The following RIMS2 variants were observed in gnomAD, a reference collection of about 807,000 sequenced individuals.
RIMS2 encodes regulating synaptic membrane exocytosis protein 2.
RIMS2 carries 59 observed loss-of-function variants against 174.4 expected under a neutral mutation model. That is an observed-to-expected ratio of 0.34 (90% CI 0.27 to 0.42). RIMS2 has a LOEUF of 0.42. Among genes scored for constraint, RIMS2 ranks in the 10% least tolerant of loss-of-function variants. The pLI is 1.00. For missense variants in RIMS2, 1,620 were observed against 1,666.3 expected (o/e 0.97, Z 0.48); for synonymous variants, 606 against 572.5 (o/e 1.06, Z -0.84).
intron 1 of RIMS2, among the ~76,000 whole-genome samples, chr8:103,659,752 A>C (rs1417534094): frequency 1.3e-5 from 2 of 152,076 alleles, no homozygotes; most frequent in African/African-American, 2.4e-5. Flanking sequence ...GCCAGAGCAC[A>C]CAGTGACCTA....
intron 1 of RIMS2, among the ~76,000 whole-genome samples, chr8:103,535,797 A>G (rs1197549790): frequency 1.3e-5 from 2 of 152,248 alleles, no homozygotes; most frequent in African/African-American, 2.4e-5. Flanking sequence ...GAAATCACAT[A>G]AGGAACAAAG....
At chr8:103,581,204 C>T (rs1005387602) in intron 1 of RIMS2, among the ~76,000 whole-genome samples, 1 of 152,106 alleles carries the variant, frequency 6.6e-6, no homozygotes, top group Non-Finnish European at 1.5e-5. Context: ...AATAAGAAGA[C>T]TGTAGAGCAT....
chr8:104,080,396 C>T (rs184454544), intron 19 of RIMS2, among the ~76,000 whole-genome samples: 1 of 151,912 alleles, frequency 6.6e-6, no homozygotes, highest in African/African-American at 2.4e-5. Flanking sequence ...TCTTTCAATT[C>T]TAATGTTTCA....
chr8:103,781,621 T>A (rs1243097313), intron 3 of RIMS2, among the ~76,000 whole-genome samples: 1 of 152,128 alleles, frequency 6.6e-6, no homozygotes, highest in Non-Finnish European at 1.5e-5. Flanking sequence ...TCAAACTTTT[T>A]GATTTGCATG....
intron 19 of RIMS2, among the ~76,000 whole-genome samples, chr8:104,136,831 A>G (rs935909101): frequency 6.6e-6 from 1 of 152,088 alleles, no homozygotes; most frequent in Non-Finnish European, 1.5e-5. Flanking sequence ...GAAAAACAGG[A>G]AAAATAACTA....
intron 19 of RIMS2, among the ~76,000 whole-genome samples, chr8:104,139,951 T>C (rs1163761611): frequency 1.3e-5 from 2 of 152,194 alleles, no homozygotes; most frequent in East Asian, 1.9e-4. Context: ...TACCCAGTTT[T>C]TTGAAGGTTT....
intron 1 of RIMS2, among the ~76,000 whole-genome samples, chr8:103,587,222 C>G (rs2093973797): frequency 6.6e-6 from 1 of 151,914 alleles, no homozygotes; most frequent in African/African-American, 2.4e-5. Context: ...AAAATTCTTT[C>G]AGTAAAGAAA....
At chr8:103,641,578 G>A (rs1339295722) in intron 1 of RIMS2, among the ~76,000 whole-genome samples, 1 of 152,026 alleles carries the variant, frequency 6.6e-6, no homozygotes, top group Non-Finnish European at 1.5e-5. Flanking sequence ...AATTGCATGT[G>A]AAAACTTGGT....
intron 3 of RIMS2, among the ~76,000 whole-genome samples, chr8:103,808,180 A>G (rs2098663011): frequency 6.6e-6 from 1 of 152,126 alleles, no homozygotes; most frequent in Non-Finnish European, 1.5e-5. Context: ...CAGTTTCCAA[A>G]TGGCAGAATA....
intron 1 of RIMS2, among the ~76,000 whole-genome samples, chr8:103,606,410 T>G (rs1356338663): frequency 2.0e-5 from 3 of 151,990 alleles, no homozygotes; most frequent in African/African-American, 7.2e-5. Context: ...TGAGGAGAGC[T>G]TTACTTCCAA....
intron 19 of RIMS2, among the ~76,000 whole-genome samples, chr8:104,078,361 A>G (rs1598359469): frequency 6.6e-6 from 1 of 152,160 alleles, no homozygotes; most frequent in Non-Finnish European, 1.5e-5. Context: ...GTATTTTCCC[A>G]GTTTTGGAGG....
intron 3 of RIMS2, among the ~76,000 whole-genome samples, chr8:103,803,953 C>T (rs752736782): frequency 3.7e-4 from 57 of 152,180 alleles, no homozygotes; most frequent in Non-Finnish European, 7.5e-4. Flanking sequence ...ATCTTGATAA[C>T]AGCCTTCTCA....
intron 1 of RIMS2, among the ~76,000 whole-genome samples, chr8:103,628,075 A>G (rs1174790148): frequency 6.6e-6 from 1 of 152,224 alleles, no homozygotes; most frequent in Non-Finnish European, 1.5e-5. Context: ...TTGTATAATC[A>G]TTATAATATT....
intron 1 of RIMS2, among the ~76,000 whole-genome samples, chr8:103,530,119 A>C (rs1474940229): frequency 1.3e-5 from 2 of 152,198 alleles, no homozygotes; most frequent in African/African-American, 4.8e-5. Flanking sequence ...TTAAAAATAC[A>C]TGATAGTAGT....
chr8:104,076,563 T>C (rs79798928), intron 19 of RIMS2, among the ~76,000 whole-genome samples: 4,500 of 152,238 alleles, frequency 0.03, 186 homozygotes, highest in African/African-American at 0.098. Flanking sequence ...AATTCTGAAG[T>C]CTTGTTTACA....
chr8:103,536,641 G>A (rs1023782425), intron 1 of RIMS2, among the ~76,000 whole-genome samples: 4 of 152,140 alleles, frequency 2.6e-5, no homozygotes, highest in African/African-American at 7.2e-5. Flanking sequence ...AAGAGCAAGA[G>A]ACACTGAAGG....
intron 2 of RIMS2, among the ~76,000 whole-genome samples, chr8:103,708,706 T>C (rs2137829351): frequency 6.6e-6 from 1 of 152,344 alleles, no homozygotes; most frequent in South Asian, 2.1e-4. Context: ...TGGTTTTCTG[T>C]GCATAATGTA....
At chr8:103,631,095 CT>C (rs2095907590) in intron 1 of RIMS2, among the ~76,000 whole-genome samples, 1 of 152,166 alleles carries the variant, frequency 6.6e-6, no homozygotes, top group Non-Finnish European at 1.5e-5. Flanking sequence ...TTGATAGTTT[CT>C]TTTGCTGTGC....
intron 3 of RIMS2, among the ~76,000 whole-genome samples, chr8:103,844,632 A>G (rs912715901): frequency 1.3e-5 from 2 of 152,164 alleles, no homozygotes; most frequent in African/African-American, 4.8e-5. Context: ...CTTTGTTAGT[A>G]ACTTTCTTTG....
Sources: gnomAD v4.1 joint callset for allele counts (sites outside exome capture counted in the v4.1 genomes callset) on GRCh38, gnomAD v4.1.1 for gene constraint, MANE v1.5 for transcripts, NCBI Gene and HGNC (gene_info 2026-07-23, HGNC 2026-07-21) for gene names.